The following CACNA1D variants were observed in gnomAD, a reference collection of about 807,000 sequenced individuals.
CACNA1D encodes voltage-dependent L-type calcium channel subunit alpha-1D.
In CACNA1D, 55 loss-of-function variants were observed where a neutral mutation model predicts 257.1. That is an observed-to-expected ratio of 0.21 (90% CI 0.17 to 0.27). The LOEUF (loss-of-function observed/expected upper bound fraction) is 0.27, where lower values mean the gene tolerates loss of function less well. CACNA1D is among the 10% of genes least tolerant of loss of function. CACNA1D has a pLI of 1.00. For missense variants in CACNA1D, 1,876 were observed against 2,784.0 expected (o/e 0.67, Z 7.34); for synonymous variants, 980 against 1,014.9 (o/e 0.97, Z 0.65).
chr3:53,790,720 G>A (rs907284455), intron 40 of CACNA1D, among the ~76,000 whole-genome samples: 6 of 152,206 alleles, frequency 3.9e-5, no homozygotes, highest in African/African-American at 7.2e-5. Context: ...TGTGCCCCGC[G>A]TGGTCTTCTT....
At chr3:53,691,556 C>A (rs2094519390) in intron 8 of CACNA1D, among the ~76,000 whole-genome samples, 1 of 149,816 alleles carries the variant, frequency 6.7e-6, no homozygotes, top group Non-Finnish European at 1.5e-5. Flanking sequence ...ACTAACCCTT[C>A]AAAGAGAGAG....
intron 32 of CACNA1D, among the ~76,000 whole-genome samples, chr3:53,771,924 C>T (rs1218195637): frequency 1.3e-5 from 2 of 152,228 alleles, no homozygotes; most frequent in African/African-American, 4.8e-5. Context: ...AGGCACAGGT[C>T]AACAGCTGGC....
intron 25 of CACNA1D, among the ~76,000 whole-genome samples, chr3:53,746,439 T>C (rs2095169884): frequency 6.6e-6 from 1 of 152,130 alleles, no homozygotes; most frequent in South Asian, 2.1e-4. Flanking sequence ...TGCCTCCCAT[T>C]CCAGGATGTC....
intron 8 of CACNA1D, chr3:53,679,515 A>C (rs1576327815): frequency 1.3e-5 from 2 of 152,158 alleles, no homozygotes; most frequent in East Asian, 3.9e-4. Flanking sequence ...CTGTACTGCA[A>C]TAGTGAGTTA....
rs2094916353 is a variant in CACNA1D at position 53,724,795 on chromosome 3, G to A, written c.2100+796G>A. Among the ~76,000 whole-genome samples the A allele has an allele frequency of 2.0e-5, 3 of 152,224 alleles. No individual in the cohort carries two copies. In the South Asian group the frequency reaches 6.2e-4, roughly 31 times the overall value. On this transcript the variant is annotated intron_variant, in intron 14 of 47. Transcript: ENST00000350061. ...CCTGTGGTGGCCCTTTCCATGCCCA[G>A]CTCTCTGCTGTGGATGAGTCACTTA...
chr3:53,747,477 G>C (rs1182546837), intron 26 of CACNA1D, 29 bp downstream of exon 26: 1 of 1,612,924 alleles, frequency 6.2e-7, no homozygotes, highest in Non-Finnish European at 8.5e-7. Context: ...CAGTCTTCTG[G>C]AGAGGCACCT....
At chr3:53,548,997 G>C (rs2092473324) in intron 3 of CACNA1D, among the ~76,000 whole-genome samples, 1 of 152,180 alleles carries the variant, frequency 6.6e-6, no homozygotes, top group Non-Finnish European at 1.5e-5. Context: ...TGGGGGTGTT[G>C]AGCAGTAACA....
intron 11 of CACNA1D, 32 bp downstream of exon 11, chr3:53,719,813 C>T: frequency 6.2e-7 from 1 of 1,601,266 alleles, no homozygotes. Context: ...CTTCGTCAGC[C>T]TGTGTGTTGC....
chr3:53,517,548 A>G (rs79853140), intron 3 of CACNA1D, among the ~76,000 whole-genome samples: 29,448 of 149,564 alleles, frequency 0.2, 3,172 homozygotes, highest in Non-Finnish European at 0.26. Context: ...CAGTGGCAGT[A>G]TCTTGGCTCA....
intron 3 of CACNA1D, among the ~76,000 whole-genome samples, chr3:53,633,967 C>G (rs2108139093): frequency 6.6e-6 from 1 of 152,314 alleles, no homozygotes; most frequent in East Asian, 1.9e-4. Context: ...TTTTGTCTCA[C>G]TAGGATGTTT....
intron 3 of CACNA1D, among the ~76,000 whole-genome samples, chr3:53,598,422 A>T (rs1475520199): frequency 6.6e-6 from 1 of 151,840 alleles, no homozygotes; most frequent in Non-Finnish European, 1.5e-5. Flanking sequence ...CTAAAAAAAA[A>T]AAAACCCAAA....
At chr3:53,780,809 G>A (rs2095421705) in intron 38 of CACNA1D, among the ~76,000 whole-genome samples, 1 of 152,190 alleles carries the variant, frequency 6.6e-6, no homozygotes, top group Non-Finnish European at 1.5e-5. Flanking sequence ...GAGGTGGGGG[G>A]AGGTGGGAGG....
intron 3 of CACNA1D, among the ~76,000 whole-genome samples, chr3:53,619,859 G>A (rs2093677131): frequency 6.6e-6 from 1 of 152,152 alleles, no homozygotes; most frequent in Non-Finnish European, 1.5e-5. Context: ...GGACACATGC[G>A]TCTTTATTGA....
At chr3:53,783,727 C>G (rs2095438099) in intron 39 of CACNA1D, among the ~76,000 whole-genome samples, 1 of 152,242 alleles carries the variant, frequency 6.6e-6, no homozygotes, top group Non-Finnish European at 1.5e-5. Context: ...CTTGGTTCTC[C>G]ACATTCATCA....
At position 53,495,037 on chromosome 3, in the gene CACNA1D, C is replaced by T; in HGVS notation, c.-130C>T. The T allele has an allele frequency of 1.9e-6, 1 of 532,610 alleles. No individual in the cohort carries two copies. Among genetic ancestry groups the T allele is most frequent in the East Asian group, 5.0e-5 (1 of 20,032 alleles). The allele number at this position is 532,610 out of a possible 1,614,324, so 33.0% of individuals were successfully genotyped here. On this transcript the variant is annotated 5_prime_UTR_variant, in exon 1 of 48. Coordinates refer to ENST00000350061, the MANE Select transcript of CACNA1D (RefSeq NM_001128840.3). This position sits in a 1 kb window ranked among gnomAD's most constrained non-coding sequence, Gnocchi z 5.1. The stretch of plus-strand genomic sequence containing the variant: ...ATTTGTCCCCGTCCCTCCCCACCCC[C>T]CTGCTGAAGCGAGAATAAGGGCAGG...
At chr3:53,809,882 G>A in intron 46 of CACNA1D, 96 bp from the exon 47 acceptor site, 6 of 1,131,880 alleles carry the variant, frequency 5.3e-6, no homozygotes, top group Non-Finnish European at 6.7e-6. Context: ...GACTGCCCCT[G>A]GCGAGCGCAG....
chr3:53,578,119 C>T (rs1363690697), intron 3 of CACNA1D, among the ~76,000 whole-genome samples: 2 of 151,974 alleles, frequency 1.3e-5, no homozygotes, highest in African/African-American at 4.8e-5. Flanking sequence ...TGTCTGTGGC[C>T]CGTTGGAATG....
intron 8 of CACNA1D, among the ~76,000 whole-genome samples, chr3:53,693,196 G>A (rs1372134795): frequency 6.6e-6 from 1 of 152,226 alleles, no homozygotes; most frequent in Non-Finnish European, 1.5e-5. Context: ...TGCTGCTGGA[G>A]AATGCTGTCC....
intron 9 of CACNA1D, among the ~76,000 whole-genome samples, chr3:53,711,189 G>A (rs2094750790): frequency 6.6e-6 from 1 of 152,188 alleles, no homozygotes; most frequent in Admixed American, 6.5e-5. Flanking sequence ...CGAGGCTGCA[G>A]TCAGCGATAT....
Sources: gnomAD v4.1 joint callset for allele counts (sites outside exome capture counted in the v4.1 genomes callset) on GRCh38, gnomAD v4.1.1 for gene constraint, Gnocchi (gnomAD v3.1) non-coding constraint, MANE v1.5 for transcripts, NCBI Gene and HGNC (gene_info 2026-07-23, HGNC 2026-07-21) for gene names.